MCM9: variants seen among roughly 807,000 people sequenced by gnomAD.
MCM9 encodes the protein DNA helicase MCM9.
MCM9 carries 55 observed loss-of-function variants against 72.8 expected under a neutral mutation model. The ratio of observed to expected loss-of-function variants is 0.76; its 90% confidence interval spans 0.61 to 0.95. The LOEUF (loss-of-function observed/expected upper bound fraction) is 0.95. Ranked by LOEUF, MCM9 falls within the 40% of genes least tolerant of loss-of-function variation. The pLI is 0.00. For synonymous variants in MCM9, 480 were observed against 503.4 expected, an observed-to-expected ratio of 0.95 and a Z score of 0.62; for missense variants, 1,279 against 1,377.0, an observed-to-expected ratio of 0.93 and a Z score of 1.13.
chr6:118,814,326 C>T lies in MCM9; in HGVS notation c.*498G>A, dbSNP rs1773276805. On this transcript the variant is annotated 3_prime_UTR_variant, in exon 14 of 14. Transcript: ENST00000619706. ...ACAAAAATAATACTAGAAAAATAGTCTGATTTTGGCAAATCATCCAAGTGA... is the reference window on the plus strand; with the variant it reads ...ACAAAAATAATACTAGAAAAATAGTTTGATTTTGGCAAATCATCCAAGTGA... The T allele has an allele frequency of 6.6e-6, 1 of 150,496 alleles. No individual in the cohort carries two copies. Among genetic ancestry groups the T allele is most frequent in the South Asian group, 2.1e-4 (1 of 4,788 alleles). The allele number at this position is 150,496 out of a possible 1,614,324, so 9.3% of individuals were successfully genotyped here.
At chr6:118,904,488 A>G (rs1378580370) in intron 8 of MCM9, among the ~76,000 whole-genome samples, 1 of 152,210 alleles carries the variant, frequency 6.6e-6, no homozygotes, top group African/African-American at 2.4e-5. Flanking sequence ...TGGCTGCCTC[A>G]GATGCCTCAG....
intron 9 of MCM9, among the ~76,000 whole-genome samples, chr6:118,843,692 A>ATATATATGTATG (rs1554257143): frequency 1.6e-5 from 1 of 63,790 alleles, no homozygotes; most frequent in African/African-American, 6.7e-5. Context: ...ATATGTGTAT[A>ATATATATGTATG]TATATATATA....
At chr6:118,833,904 T>C (rs546367272) in intron 9 of MCM9, among the ~76,000 whole-genome samples, 3 of 152,148 alleles carry the variant, frequency 2.0e-5, no homozygotes, top group Non-Finnish European at 4.4e-5. Context: ...TACCTTAAGT[T>C]CTGGGATATA....
intron 8 of MCM9, 95 bp from the exon 9 acceptor site, chr6:118,856,640 A>C (rs1197906674): frequency 3.0e-6 from 4 of 1,317,478 alleles, no homozygotes; most frequent in Non-Finnish European, 1.0e-6. Flanking sequence ...GCAGTTTAGG[A>C]GGCTGAGGTG....
At chr6:118,894,423 G>C (rs1779200672) in intron 8 of MCM9, 1 of 1,536,922 alleles carries the variant, frequency 6.5e-7, no homozygotes. Context: ...TATGGCAAAG[G>C]TTCAGGTGAA....
At position 118,856,598 on chromosome 6, in the gene MCM9, A is replaced by G. The variant is rs536862366; in HGVS notation, c.1151-53T>C. The stretch of plus-strand genomic sequence containing the variant: ...TTTTATTTTCAAAAGCATTATCTTG[A>G]CTGGGCGCAGTGGCTCACACCTGTA... On this transcript the variant is annotated intron_variant, in intron 8 of 13. Coordinates refer to ENST00000619706, the MANE Select transcript of MCM9 (RefSeq NM_017696.3). 26 of 1,522,374 alleles carry G rather than the reference A, an allele frequency of 1.7e-5. No homozygotes were observed. In the South Asian group the frequency reaches 3.1e-4, roughly 18 times the overall value. 94.3% of individuals were successfully genotyped at this position (1,522,374 alleles called of 1,614,324 possible).
chr6:118,853,910 A>G (rs940958495), intron 9 of MCM9, among the ~76,000 whole-genome samples: 1 of 152,132 alleles, frequency 6.6e-6, no homozygotes, highest in African/African-American at 2.4e-5. Flanking sequence ...CTCTCCATTT[A>G]AGTCCTTTTT....
Position 118,930,363 on chromosome 6 carries a change from T to C in MCM9, c.304+1057A>G, listed in dbSNP as rs192589921. On this transcript the variant is annotated intron_variant, in intron 3 of 13. Coordinates refer to ENST00000619706, the MANE Select transcript of MCM9 (RefSeq NM_017696.3). Reference sequence around the variant, plus strand: ...TCCTGACCTTGCGATCTGCCCGCCTTGGCCTCCCAAAGTGCTGGGATTACA... The same window carrying C: ...TCCTGACCTTGCGATCTGCCCGCCTCGGCCTCCCAAAGTGCTGGGATTACA... Among the ~76,000 whole-genome samples, 675 of 152,240 alleles carry C rather than the reference T, an allele frequency of 4.4e-3. 8 individuals are homozygous for C. The highest frequency in any genetic ancestry group is 0.015 in the African/African-American group (608 of 41,550).
intron 8 of MCM9, among the ~76,000 whole-genome samples, chr6:118,858,848 A>G (rs1038054744): frequency 6.6e-6 from 1 of 152,320 alleles, no homozygotes; most frequent in African/African-American, 2.4e-5. Context: ...CAAGATGTCA[A>G]TTCTCCCCAA....
chr6:118,843,669 T>TATATACAC (rs1554257114), intron 9 of MCM9, among the ~76,000 whole-genome samples: 1 of 48,834 alleles, frequency 2.0e-5, no homozygotes, highest in African/African-American at 1.2e-4. Flanking sequence ...TATATATATA[T>TATATACAC]GTATGTATAT....
At chr6:118,874,264 A>G (rs1777798501) in intron 8 of MCM9, among the ~76,000 whole-genome samples, 1 of 152,182 alleles carries the variant, frequency 6.6e-6, no homozygotes, top group African/African-American at 2.4e-5. Context: ...CAAAAAAATA[A>G]AATAAAAAAT....
At chr6:118,902,034 G>A (rs963245095) in intron 8 of MCM9, among the ~76,000 whole-genome samples, 1 of 152,114 alleles carries the variant, frequency 6.6e-6, no homozygotes, top group Non-Finnish European at 1.5e-5. Context: ...TGATTAAAAA[G>A]CAACAAATAA....
At chr6:118,840,825 C>T (rs1388680058) in intron 9 of MCM9, among the ~76,000 whole-genome samples, 3 of 150,518 alleles carry the variant, frequency 2.0e-5, no homozygotes, top group Admixed American at 6.6e-5. Context: ...GCAGCTTCCA[C>T]CTCCTGGGCT....
intron 8 of MCM9, among the ~76,000 whole-genome samples, chr6:118,894,986 C>T (rs1260130023): frequency 6.7e-6 from 1 of 149,850 alleles, no homozygotes; most frequent in African/African-American, 2.4e-5. Flanking sequence ...GGCCAGCGAC[C>T]CCGGCGCACG....
In MCM9 at chr6:118,826,245, A is replaced by T. The variant is rs1399706706; in HGVS notation, c.1863T>A (p.Pro621=). Residue 621 remains proline, a synonymous_variant, in exon 13 of 14, where the codon CCT becomes CCA. Coordinates refer to ENST00000619706, the MANE Select transcript of MCM9 (RefSeq NM_017696.3). ...TCTGGTACTGCTCTCCAGGGTTTTCAGGAAAGGAAGTGTGGAGGGCATTCA... is the reference window on the plus strand; with the variant it reads ...TCTGGTACTGCTCTCCAGGGTTTTCTGGAAAGGAAGTGTGGAGGGCATTCA... The part of the protein sequence containing the change: ...GGVNALHTSF[P]ENPGEQYQRQ... 6.4e-7 allele frequency: 1 copy of T among 1,550,462 alleles called. No homozygotes were observed. The highest frequency in any genetic ancestry group is 2.4e-5 in the East Asian group (1 of 40,914).
rs529484331 is a variant in MCM9 at position 118,844,779 on chromosome 6, A to C, written c.1325+11592T>G. ...TCTCATGAAGAGTTACCTCCTATAC[A>C]CACTGATTGTCCAGACTGTTCTGTC... is the stretch of plus-strand genomic sequence containing the variant. On this transcript the variant is annotated intron_variant, in intron 9 of 13. Transcript: ENST00000619706. Among the ~76,000 whole-genome samples the C allele has an allele frequency of 3.9e-5, 6 of 151,938 alleles. No individual in the cohort carries two copies. The East Asian group carries it at 7.7e-4, about 20-fold the overall frequency.
intron 9 of MCM9, among the ~76,000 whole-genome samples, chr6:118,852,519 A>C (rs1319967937): frequency 6.6e-6 from 1 of 152,174 alleles, no homozygotes; most frequent in African/African-American, 2.4e-5. Flanking sequence ...CTCCCCAGGC[A>C]CTATTATTAC....
At chr6:118,867,361 G>C (rs1777281406) in intron 8 of MCM9, among the ~76,000 whole-genome samples, 1 of 152,110 alleles carries the variant, frequency 6.6e-6, no homozygotes, top group South Asian at 2.1e-4. Flanking sequence ...AGCATTACTT[G>C]TGTTTGTGGT....
chr6:118,876,159 T>C (rs1390633230), intron 8 of MCM9, among the ~76,000 whole-genome samples: 2 of 152,190 alleles, frequency 1.3e-5, no homozygotes, highest in Non-Finnish European at 2.9e-5. Context: ...ATTCCAACTA[T>C]ATTACATTCT....
Sources: gnomAD v4.1 joint callset for allele counts (sites outside exome capture counted in the v4.1 genomes callset) on GRCh38, gnomAD v4.1.1 for gene constraint, MANE v1.5 for transcripts, NCBI Gene and HGNC (gene_info 2026-07-23, HGNC 2026-07-21) for gene names.